The following ZNF215 variants were observed in gnomAD, a reference collection of about 807,000 sequenced individuals.
ZNF215 encodes the protein BWSCR2-associated zinc finger protein 2.
In ZNF215, 24 loss-of-function variants were observed where a neutral mutation model predicts 27.2. The ratio of observed to expected loss-of-function variants is 0.88; its 90% CI spans 0.64 to 1.24. The LOEUF (loss-of-function observed/expected upper bound fraction) is 1.24, where lower values mean the gene tolerates loss of function less well. ZNF215 is among the 50% of genes most tolerant of loss of function. ZNF215 has a pLI of 0.00. For synonymous variants in ZNF215, 210 were observed against 204.0 expected (o/e 1.03, Z -0.25); for missense variants, 675 against 605.7 (o/e 1.11, Z -1.20).
rs369813509 is a variant in ZNF215 at position 6,965,370 on chromosome 11, C to T, written c.805+9588C>T. Among the ~76,000 whole-genome samples, 6 of 152,094 alleles carry T rather than the reference C, an allele frequency of 3.9e-5. No individual in the cohort carries two copies. In the East Asian group the frequency reaches 1.2e-3, roughly 29 times the overall value. On this transcript the variant is annotated intron_variant, in intron 5 of 5. Coordinates refer to the ZNF215 transcript ENST00000529903. ...TTAAACACGTGTATAAAAGATGTTT[C>T]CAAAGTGCTACATGGACATCAATTT...
exon 6 of ZNF215, chr11:6,984,267 C>G: frequency 4.2e-6 from 1 of 237,110 alleles, no homozygotes; most frequent in Non-Finnish European, 8.5e-6. Flanking sequence ...ACCACCATGC[C>G]TAGCTAATTT....
rs1849309173 is a variant in ZNF215 at position 6,932,724 on chromosome 11, G to A, written c.400+52G>A. On this transcript the variant is annotated intron_variant, in intron 3 of 6. Transcript: ENST00000278319. The stretch of plus-strand genomic sequence containing the variant: ...AAATACTTGACCTTTCCCATGTAAA[G>A]AGAAATTATCTTTTTTTGAGGCCAG... The A allele has an allele frequency of 3.3e-6, 5 of 1,518,620 alleles. No individual in the cohort carries two copies. The Admixed American group carries it at 1.1e-4, about 32-fold the overall frequency. The allele number at this position is 1,518,620 out of a possible 1,614,324, so 94.1% of individuals were successfully genotyped here.
chr11:6,985,392 C>T (rs969873701), downstream of ZNF215, among the ~76,000 whole-genome samples: 2 of 152,048 alleles, frequency 1.3e-5, no homozygotes, highest in Non-Finnish European at 2.9e-5. Context: ...AGGAGCATAC[C>T]TCAAAATAAT....
chr11:6,935,915 G>GATTCAC lies in ZNF215; in HGVS notation c.400+3245_400+3246insTCACAT, dbSNP rs1327742253. Among the ~76,000 whole-genome samples the GATTCAC allele has an allele frequency of 1.3e-4, 20 of 152,166 alleles. No homozygotes were observed. The South Asian group carries it at 3.3e-3, about 25-fold the overall frequency. ...CAGAAGGAAATCTGGATAATTCACA[G>GATTCAC]ATAAGTGGAAATTAACAGTCACATA... On this transcript the variant is annotated intron_variant, in intron 3 of 6. Transcript: ENST00000278319.
intron 3 of ZNF215, among the ~76,000 whole-genome samples, chr11:6,935,682 A>G (rs779926924): frequency 6.6e-6 from 1 of 152,148 alleles, no homozygotes; most frequent in African/African-American, 2.4e-5. Context: ...GAAATAGAAG[A>G]CTTGAGAAAC....
intron 5 of ZNF215, among the ~76,000 whole-genome samples, chr11:6,974,377 G>T (rs1850786788): frequency 6.6e-6 from 1 of 152,080 alleles, no homozygotes; most frequent in South Asian, 2.1e-4. Flanking sequence ...TGGCCATGTG[G>T]GCTCTTTTTT....
At chr11:6,981,589 G>C (rs1326411261) in intron 5 of ZNF215, among the ~76,000 whole-genome samples, 1 of 151,768 alleles carries the variant, frequency 6.6e-6, no homozygotes, top group Non-Finnish European at 1.5e-5. Context: ...AGTTTCTTTT[G>C]CTGTGCAGAA....
chr11:6,940,046 G>T (rs1237414920), intron 3 of ZNF215, among the ~76,000 whole-genome samples: 1 of 150,534 alleles, frequency 6.6e-6, no homozygotes, highest in African/African-American at 2.4e-5. Context: ...AGCATTGAAA[G>T]ACCCTGTCTC....
In ZNF215 at chr11:6,957,209, A is replaced by T; in HGVS notation, c.*678A>T. 1 of 982,810 alleles carries T rather than the reference A, an allele frequency of 1.0e-6. No homozygotes were observed. The highest frequency in any genetic ancestry group is 1.2e-6 in the Non-Finnish European group (1 of 827,544). 60.9% of individuals were successfully genotyped at this position (982,810 alleles called of 1,614,324 possible). On this transcript the variant is annotated 3_prime_UTR_variant, in exon 7 of 7. Transcript: ENST00000278319. ...CCTTGAAAAATGTTTTTGTTTTGTT[A>T]TAATGTTATAATTGTTATGATGTTG...
chr11:6,960,449 C>G (rs1388082543), downstream of ZNF215, among the ~76,000 whole-genome samples: 2 of 152,140 alleles, frequency 1.3e-5, no homozygotes, highest in Non-Finnish European at 2.9e-5. Context: ...CTCCATAACT[C>G]AGCCTGAGCA....
intron 5 of ZNF215, 152 bp downstream of exon 5, chr11:6,943,367 T>C (rs1849696041): frequency 7.6e-7 from 1 of 1,309,258 alleles, no homozygotes. Flanking sequence ...TTCTGACTCA[T>C]CTGGATGAAA....
At chr11:6,941,748 G>A in intron 4 of ZNF215, 95 bp downstream of exon 4, 2 of 1,296,424 alleles carry the variant, frequency 1.5e-6, no homozygotes, top group Non-Finnish European at 2.2e-6. Context: ...GCCAAACATG[G>A]TTCCATCCAA....
intron 5 of ZNF215, among the ~76,000 whole-genome samples, chr11:6,973,229 T>C (rs1384414831): frequency 6.6e-6 from 1 of 152,022 alleles, no homozygotes; most frequent in African/African-American, 2.4e-5. Flanking sequence ...CATGAACTCA[T>C]CATTTTTTAT....
chr11:6,962,456 T>A (rs1850535518), downstream of ZNF215, among the ~76,000 whole-genome samples: 1 of 152,186 alleles, frequency 6.6e-6, no homozygotes. Flanking sequence ...ATTGATCTGA[T>A]AAGGGACTTA....
chr11:6,964,850 T>C (rs987865663), intron 5 of ZNF215, among the ~76,000 whole-genome samples: 1 of 152,114 alleles, frequency 6.6e-6, no homozygotes, highest in African/African-American at 2.4e-5. Flanking sequence ...AACACTGTTT[T>C]ACATAAATTA....
At chr11:6,936,383 T>A (rs190745344) in intron 3 of ZNF215, among the ~76,000 whole-genome samples, 1 of 152,164 alleles carries the variant, frequency 6.6e-6, no homozygotes, top group East Asian at 1.9e-4. Flanking sequence ...ACAAATTAGA[T>A]GCACTTAGAT....
rs373721240 is a variant in ZNF215 at position 6,943,185 on chromosome 11, A to G, written c.586A>G (p.Asn196Asp). 2 of 1,613,412 alleles carry G rather than the reference A, an allele frequency of 1.2e-6. No individual in the cohort carries two copies. The highest frequency in any genetic ancestry group is 2.7e-5 in the African/African-American group (2 of 74,888). The change falls in exon 5 of 7, where the codon AAC (asparagine) becomes GAC (aspartate). Residue 196 changes from asparagine (N) to aspartate (D), a missense_variant. By Grantham distance (23) the Asn-to-Asp change is conservative. Transcript: ENST00000278319. ...KNLYRNVMLE[N>D]FRNLNSLRKA... ...CCTGTACAGGAATGTGATGCTGGAA[A>G]ACTTTAGGAACCTGAATTCATTGCG...
chr11:6,935,677 A>G (rs757582456), intron 3 of ZNF215, among the ~76,000 whole-genome samples: 2 of 152,186 alleles, frequency 1.3e-5, no homozygotes, highest in Non-Finnish European at 2.9e-5. Flanking sequence ...AAAAGGAAAT[A>G]GAAGACTTGA....
intron 6 of ZNF215, among the ~76,000 whole-genome samples, chr11:6,952,478 C>T (rs1259014837): frequency 6.6e-6 from 1 of 152,074 alleles, no homozygotes; most frequent in East Asian, 1.9e-4. Context: ...GATCCTTTTA[C>T]CATTATGTAA....
Sources: gnomAD v4.1 joint callset for allele counts (sites outside exome capture counted in the v4.1 genomes callset) on GRCh38, gnomAD v4.1.1 for gene constraint, MANE v1.5 for transcripts, NCBI Gene and HGNC (gene_info 2026-07-23, HGNC 2026-07-21) for gene names.